Variants in SLC20A1 observed in about 807,000 individuals in gnomAD.
SLC20A1 encodes the protein sodium-dependent phosphate transporter 1.
Under a neutral mutation model 62.7 loss-of-function variants are expected in SLC20A1, and 28 were observed. The ratio of observed to expected loss-of-function variants is 0.45; its 90% CI spans 0.33 to 0.61. The LOEUF is 0.61. Among genes scored for constraint, SLC20A1 ranks in the 20% least tolerant of loss-of-function variants. SLC20A1 has a pLI of 0.02. For synonymous variants in SLC20A1, 305 were observed against 302.9 expected (o/e 1.01, Z -0.07); for missense variants, 673 against 838.6 (o/e 0.80, Z 2.44).
At chr2:112,659,794 C>G in intron 8 of SLC20A1, 32 bp downstream of exon 8, 1 of 1,567,762 alleles carries the variant, frequency 6.4e-7, no homozygotes, top group Non-Finnish European at 8.7e-7. Flanking sequence ...TGTTGCTAAC[C>G]CTATTTTTAA....
intron 5 of SLC20A1, chr2:112,653,322 A>G (rs1175124469): frequency 5.8e-6 from 1 of 170,950 alleles, no homozygotes; most frequent in Non-Finnish European, 1.3e-5. Flanking sequence ...CTAAGAGGAA[A>G]AATAATTTGT....
At chr2:112,647,221 T>C in intron 2 of SLC20A1, 59 bp downstream of exon 2, 1 of 1,583,822 alleles carries the variant, frequency 6.3e-7, no homozygotes, top group Middle Eastern at 1.7e-4. Flanking sequence ...GTATCATGGG[T>C]GGTTCCATTT....
chr2:112,654,964 ATTTTTTTTT>A (rs371613434), intron 5 of SLC20A1, among the ~76,000 whole-genome samples: 1 of 89,388 alleles, frequency 1.1e-5, no homozygotes. Flanking sequence ...TTTGTTTCTA[ATTTTTTTTT>A]TTTTTTTTTT....
Position 112,652,791 on chromosome 2 carries a change from A to G in SLC20A1, c.651A>G (p.Gly217=), listed in dbSNP as rs778991735. The change falls in exon 5 of 11, where the codon GGA becomes GGG. Residue 217 remains glycine, a synonymous_variant. Coordinates refer to ENST00000272542, the MANE Select transcript of SLC20A1 (RefSeq NM_005415.5). ...GINLFSIMYT[G]APLLGFDKLP... is the part of the protein sequence containing the mutation. Reference sequence around the variant, plus strand: ...ACCTCTTTTCCATCATGTATACTGGAGCACCGTGTAAGTACCTATCAAAAT... The same window carrying G: ...ACCTCTTTTCCATCATGTATACTGGGGCACCGTGTAAGTACCTATCAAAAT... The G allele has an allele frequency of 1.2e-6, 2 of 1,613,736 alleles. No individual in the cohort carries two copies. Among genetic ancestry groups the G allele is most frequent in the South Asian group, 1.1e-5 (1 of 91,070 alleles).
intron 3 of SLC20A1, 85 bp downstream of exon 3, chr2:112,647,549 G>T: frequency 6.3e-7 from 1 of 1,581,626 alleles, no homozygotes; most frequent in Non-Finnish European, 8.7e-7. Flanking sequence ...GTGTTCTAAC[G>T]TCGAGGGACA....
intron 7 of SLC20A1, 32 bp from the exon 8 acceptor site, chr2:112,659,172 G>T: frequency 6.2e-7 from 1 of 1,605,208 alleles, no homozygotes; most frequent in Non-Finnish European, 8.5e-7. Flanking sequence ...GATGCTTTTT[G>T]TATTGAATGT....
chr2:112,655,584 A>G (rs1686562979), intron 5 of SLC20A1, among the ~76,000 whole-genome samples: 1 of 146,530 alleles, frequency 6.8e-6, no homozygotes. Flanking sequence ...TGTGTTGCCC[A>G]GGCTGGCCTT....
intron 5 of SLC20A1, among the ~76,000 whole-genome samples, chr2:112,655,001 C>T (rs1686545056): frequency 7.3e-6 from 1 of 136,180 alleles, no homozygotes; most frequent in South Asian, 2.4e-4. Flanking sequence ...CAGAGTCTCG[C>T]CCTGTCACTC....
In SLC20A1 at chr2:112,658,933, A is replaced by G; in HGVS notation, c.887A>G (p.His296Arg). ...KLSVGDIENKHPVSEVGPATV... is the reference protein window; with the variant it reads ...KLSVGDIENKRPVSEVGPATV... ...TCTGTTGGTGATATTGAAAACAAGC[A>G]TCCTGTTTCTGAGGTAGGGCCTGCC... Residue 296 changes from histidine (H) to arginine (R), a missense_variant, in exon 7 of 11, where the codon CAT becomes CGT. Coordinates refer to ENST00000272542, the MANE Select transcript of SLC20A1 (RefSeq NM_005415.5). 1 of 1,614,214 alleles carries G rather than the reference A, an allele frequency of 6.2e-7. No homozygotes were observed. Among genetic ancestry groups the G allele is most frequent in the South Asian group, 1.1e-5 (1 of 91,082 alleles).
intron 5 of SLC20A1, chr2:112,653,158 T>C (rs1686485516): frequency 2.9e-6 from 1 of 340,778 alleles, no homozygotes; most frequent in Admixed American, 4.1e-5. Context: ...TAATCAGTCA[T>C]TTAGGACTGG....
intron 10 of SLC20A1, among the ~76,000 whole-genome samples, chr2:112,661,667 G>T (rs7558138): frequency 0.78 from 118,442 of 151,896 alleles, 47,145 homozygotes; most frequent in East Asian, 1. Flanking sequence ...TTGTGCTTCA[G>T]CCTCTCAAGT....
At position 112,652,724 on chromosome 2, in the gene SLC20A1, T is replaced by G; in HGVS notation, c.584T>G (p.Leu195Trp). ...CAGGCAGATCCAGTTCCTAATGGTT[T>G]GCGAGCTTTGCCAGTTTTCTATGCC... ...LHKADPVPNG[L>W]RALPVFYACT... The change falls in exon 5 of 11, where the codon TTG (leucine) becomes TGG (tryptophan). Residue 195 changes from leucine (L) to tryptophan (W), a missense_variant. Transcript: ENST00000272542. 1 of 1,614,172 alleles carries G rather than the reference T, an allele frequency of 6.2e-7. No individual in the cohort carries two copies. Among genetic ancestry groups the G allele is most frequent in the East Asian group, 2.2e-5 (1 of 44,884 alleles).
intron 5 of SLC20A1, chr2:112,653,293 G>A (rs1007702838): frequency 6.0e-6 from 1 of 165,712 alleles, no homozygotes; most frequent in African/African-American, 2.4e-5. Context: ...AGTGCACTTG[G>A]AAGAAGAAAT....
At position 112,657,211 on chromosome 2, in the gene SLC20A1, G is replaced by C; in HGVS notation, c.748G>C (p.Val250Leu). The change falls in exon 6 of 11, where the codon GTA (valine) becomes CTA (leucine). Residue 250 changes from valine to leucine, a missense_variant. Physicochemically the swap from Val to Leu is conservative, Grantham distance 32 (BLOSUM62 1). Coordinates refer to ENST00000272542, the MANE Select transcript of SLC20A1 (RefSeq NM_005415.5). The stretch of plus-strand genomic sequence containing the variant: ...CTGTGCCCTTATCGTCTGGTTCTTT[G>C]TATGTCCCAGGATGAAGAGAAAAAT... Reference protein sequence around the residue: ...VFCALIVWFFVCPRMKRKIER... With the variant: ...VFCALIVWFFLCPRMKRKIER... 6.2e-7 allele frequency: 1 copy of C among 1,613,896 alleles called. No homozygotes were observed. Among genetic ancestry groups the C allele is most frequent in the Non-Finnish European group, 8.5e-7 (1 of 1,179,978 alleles).
intron 6 of SLC20A1, among the ~76,000 whole-genome samples, chr2:112,657,516 T>C (rs1297234737): frequency 6.6e-6 from 1 of 152,260 alleles, no homozygotes; most frequent in Admixed American, 6.5e-5. Flanking sequence ...AATTTTTTTA[T>C]GTTCCTTGAT....
chr2:112,647,789 T>TTTTG, intron 4 of SLC20A1, 51 bp downstream of exon 4: 1 of 1,430,786 alleles, frequency 7.0e-7, no homozygotes, highest in East Asian at 2.3e-5. Context: ...ACCCAATCGA[T>TTTTG]TTCAAACCCA....
chr2:112,654,608 A>G (rs929926319), intron 5 of SLC20A1, among the ~76,000 whole-genome samples: 3 of 152,142 alleles, frequency 2.0e-5, no homozygotes, highest in Non-Finnish European at 2.9e-5. Flanking sequence ...ATAGAATTGT[A>G]GTTTGGGGCC....
Position 112,649,838 on chromosome 2 carries a change from A to T in SLC20A1, c.561+2100A>T, listed in dbSNP as rs183670166. On this transcript the variant is annotated intron_variant, in intron 4 of 10. Coordinates refer to ENST00000272542, the MANE Select transcript of SLC20A1 (RefSeq NM_005415.5). ...GACAAAACCAGAATATCCAATATGT[A>T]AAAGTGAACTATTCTGGTGAAGATG... 2.4e-4 allele frequency among the ~76,000 whole-genome samples: 36 copies of T among 152,356 alleles called. No homozygotes were observed. The Middle Eastern group carries it at 0.014, about 58-fold the overall frequency.
chr2:112,662,772 G>A, intron 10 of SLC20A1, 92 bp from the exon 11 acceptor site: 1 of 1,324,920 alleles, frequency 7.5e-7, no homozygotes, highest in Non-Finnish European at 1.0e-6. Context: ...CCAGGGGTCT[G>A]GGGCTCCTTG....
Sources: gnomAD v4.1 joint callset for allele counts (sites outside exome capture counted in the v4.1 genomes callset) on GRCh38, gnomAD v4.1.1 for gene constraint, MANE v1.5 for transcripts, NCBI Gene and HGNC (gene_info 2026-07-23, HGNC 2026-07-21) for gene names.